Variants in MYO9B observed in about 807,000 individuals in gnomAD.
MYO9B encodes myosin IXB.
Under a neutral mutation model 229.5 loss-of-function variants are expected in MYO9B, and 71 were observed. The ratio of observed to expected loss-of-function variants is 0.31; its 90% CI spans 0.26 to 0.38. The LOEUF is 0.38. Among genes scored for constraint, MYO9B ranks in the 10% least tolerant of loss-of-function variants. The pLI, the probability that MYO9B is intolerant of heterozygous loss-of-function variation, is 1.00. For synonymous variants in MYO9B, 1,185 were observed against 1,235.8 expected, an observed-to-expected ratio of 0.96 and a Z score of 0.86; for missense variants, 2,255 against 2,920.5, an observed-to-expected ratio of 0.77 and a Z score of 5.25.
At position 17,082,998 on chromosome 19, in the gene MYO9B, C is replaced by T. The variant is rs369135552; in HGVS notation, c.-59+7124C>T. On this transcript the variant is annotated intron_variant, in intron 1 of 39. Transcript: ENST00000682292. ...AACATGTCAAGTGCCCGTGGGTCCTCGAGGAGGCTGAAAGTGTGTGAATCT... is the reference window on the plus strand; with the variant it reads ...AACATGTCAAGTGCCCGTGGGTCCTTGAGGAGGCTGAAAGTGTGTGAATCT... Among the ~76,000 whole-genome samples the T allele has an allele frequency of 9.7e-5, 14 of 144,774 alleles. No individual in the cohort carries two copies. The East Asian group carries it at 2.0e-3, about 21-fold the overall frequency. The allele number at this position is 144,774 out of a possible 152,430, so 95.0% of individuals were successfully genotyped here.
chr19:17,180,186 T>C (rs879869513), intron 14 of MYO9B, among the ~76,000 whole-genome samples: 1 of 149,662 alleles, frequency 6.7e-6, no homozygotes, highest in Non-Finnish European at 1.5e-5. Flanking sequence ...TGAGCTGAGA[T>C]TGCGCCATTG....
At chr19:17,112,828 C>T (rs2057861565) in intron 2 of MYO9B, among the ~76,000 whole-genome samples, 1 of 152,224 alleles carries the variant, frequency 6.6e-6, no homozygotes, top group South Asian at 2.1e-4. Context: ...CACCTCCCAG[C>T]CAGGCACTCA....
intron 13 of MYO9B, among the ~76,000 whole-genome samples, chr19:17,174,686 A>G (rs117828536): frequency 0.063 from 9,524 of 151,980 alleles, 388 homozygotes; most frequent in Non-Finnish European, 0.094. Context: ...TGTAATCCCA[A>G]CACTTCGGGA....
chr19:17,104,036 A>G (rs1414610202), intron 2 of MYO9B, among the ~76,000 whole-genome samples: 1 of 142,928 alleles, frequency 7.0e-6, no homozygotes, highest in Non-Finnish European at 1.5e-5. Flanking sequence ...AGCCTGGGTG[A>G]CAGAGCGAAA....
rs1419829340 is a variant in MYO9B, at chr19:17,191,108, G to T, written c.2700G>T (p.Glu900Asp). 1 of 1,612,444 alleles carries T rather than the reference G, an allele frequency of 6.2e-7. No homozygotes were observed. The highest frequency in any genetic ancestry group is 8.5e-7 in the Non-Finnish European group (1 of 1,179,248). Residue 900 changes from glutamate (E) to aspartate (D), a missense_variant, in exon 20 of 40, where the codon GAG becomes GAT. Physicochemically the swap from Glu to Asp is conservative, Grantham distance 45 (BLOSUM62 2). This residue lies in a region of MYO9B where 68 missense variants were observed against 133.5 expected (regional missense o/e 0.51). Coordinates refer to ENST00000682292, the MANE Select transcript of MYO9B (RefSeq NM_004145.4). ...CCCAAATAACCTAGGATTTCACCGA[G>T]CAGTTCCAGGTGCTCCTGCCCAAGG... is the stretch of plus-strand genomic sequence containing the variant. ...SAKYTFQDFT[E>D]QFQVLLPKDA...
chr19:17,201,408 C>T (rs957759482), intron 26 of MYO9B, among the ~76,000 whole-genome samples: 3 of 152,080 alleles, frequency 2.0e-5, no homozygotes, highest in Non-Finnish European at 4.4e-5. Flanking sequence ...ACAGCGGGCA[C>T]AGGGGGCCGA....
intron 3 of MYO9B, among the ~76,000 whole-genome samples, chr19:17,146,232 G>A (rs1477197849): frequency 2.1e-5 from 3 of 145,042 alleles, no homozygotes; most frequent in African/African-American, 5.2e-5. Context: ...GATTCATGGG[G>A]GAGTAGATTC....
intron 6 of MYO9B, among the ~76,000 whole-genome samples, chr19:17,156,035 A>T (rs2072533351): frequency 6.8e-6 from 1 of 146,838 alleles, no homozygotes; most frequent in Non-Finnish European, 1.5e-5. Context: ...AAAAAAAAAA[A>T]GATGGCACCT....
chr19:17,102,098 G>C lies in MYO9B; in HGVS notation c.381G>C (p.Ala127=). The C allele has an allele frequency of 6.2e-7, 1 of 1,612,968 alleles. No individual in the cohort carries two copies. The highest frequency in any genetic ancestry group is 8.5e-7 in the Non-Finnish European group (1 of 1,179,882). ...TIKYVHMQLV[A]QATATRRLVE... is the part of the protein sequence containing the mutation. ...AGTACGTGCATATGCAGCTGGTGGC[G>C]CAGGCCACAGCCACCCGGCGCCTAG... The change falls in exon 2 of 40, where the codon GCG becomes GCC. Residue 127 remains alanine, a synonymous_variant. Transcript: ENST00000682292.
At chr19:17,146,366 G>A (rs2072411371) in intron 3 of MYO9B, among the ~76,000 whole-genome samples, 1 of 151,172 alleles carries the variant, frequency 6.6e-6, no homozygotes, top group Admixed American at 6.6e-5. Flanking sequence ...ATAATGAATG[G>A]GTGGATGGAT....
rs148145177 is a variant in MYO9B, at chr19:17,205,818, C to G, written c.5065-142C>G. The G allele has an allele frequency of 1.4e-4, 116 of 846,266 alleles. No individual in the cohort carries two copies. The African/African-American group carries it at 1.7e-3, about 13-fold the overall frequency. 52.4% of individuals were successfully genotyped at this position (846,266 alleles called of 1,614,324 possible). A position where few individuals can be genotyped will look rare whatever the true frequency, so the allele number is the denominator to read the frequency against. On this transcript the variant is annotated intron_variant, in intron 31 of 39. Transcript: ENST00000682292. ...TCTGCAGCCCCACACCCCCAACAACCACGCAGAAGGAGACAGGGAGGGACA... is the reference window on the plus strand; with the variant it reads ...TCTGCAGCCCCACACCCCCAACAACGACGCAGAAGGAGACAGGGAGGGACA...
chr19:17,203,603 ACT>A (rs2073130479), intron 30 of MYO9B, among the ~76,000 whole-genome samples: 2 of 125,992 alleles, frequency 1.6e-5, no homozygotes, highest in African/African-American at 3.3e-5. Context: ...ACAGAGCAAG[ACT>A]CTGTCTCAAA....
At chr19:17,204,512 T>G (rs1236192282) in intron 30 of MYO9B, among the ~76,000 whole-genome samples, 2 of 151,746 alleles carry the variant, frequency 1.3e-5, no homozygotes, top group Admixed American at 1.3e-4. Flanking sequence ...CAGCCTCCTC[T>G]CTCAGGAGTC....
chr19:17,090,882 G>A (rs999351825), intron 1 of MYO9B, among the ~76,000 whole-genome samples: 3 of 152,136 alleles, frequency 2.0e-5, no homozygotes, highest in African/African-American at 7.2e-5. Context: ...TCCCCAATCT[G>A]CTTCCTTCCA....
At chr19:17,140,412 C>T (rs2072323197) in intron 2 of MYO9B, among the ~76,000 whole-genome samples, 1 of 152,010 alleles carries the variant, frequency 6.6e-6, no homozygotes. Context: ...GCACTAATCC[C>T]ATTCATGAGG....
chr19:17,178,243 G>A (rs1318887316), intron 14 of MYO9B, among the ~76,000 whole-genome samples: 1 of 152,202 alleles, frequency 6.6e-6, no homozygotes, highest in Non-Finnish European at 1.5e-5. Flanking sequence ...TTGGCATGGT[G>A]CATGGAGCAC....
At chr19:17,135,685 A>G (rs1006342879) in intron 2 of MYO9B, among the ~76,000 whole-genome samples, 3 of 152,084 alleles carry the variant, frequency 2.0e-5, no homozygotes, top group Admixed American at 6.6e-5. Flanking sequence ...GCCTCTATGC[A>G]TGGATAATTG....
chr19:17,104,735 A>AAAAAAAAAAAAAAAAAAAAAAAAC (rs1555801863), intron 2 of MYO9B, among the ~76,000 whole-genome samples: 1 of 150,852 alleles, frequency 6.6e-6, no homozygotes, highest in African/African-American at 2.4e-5. Flanking sequence ...TCCGCTTAAA[A>AAAAAAAAAAAAAAAAAAAAAAAAC]AAAAAACAAA....
chr19:17,162,538 G>A, intron 9 of MYO9B, 72 bp downstream of exon 9: 3 of 1,323,348 alleles, frequency 2.3e-6, no homozygotes, highest in Non-Finnish European at 3.1e-6. Context: ...ATCCTTGGTG[G>A]GCGACCTGGA....
Sources: allele counts gnomAD v4.1 joint callset (sites outside exome capture counted in the v4.1 genomes callset), GRCh38; gene constraint gnomAD v4.1.1; regional missense constraint gnomAD v4.1.1; transcripts MANE v1.5; gene names NCBI Gene and HGNC (gene_info 2026-07-23, HGNC 2026-07-21).